The following GPC5 variants were observed in gnomAD, a reference collection of about 807,000 sequenced individuals.
The protein encoded by GPC5 is glypican-5.
A neutral mutation model predicts 53.9 loss-of-function variants in GPC5; 47 were observed. That is an observed-to-expected ratio of 0.87 (90% CI 0.69 to 1.11). The LOEUF (loss-of-function observed/expected upper bound fraction) is 1.11. GPC5 is among the 50% of genes most tolerant of loss of function. GPC5 has a pLI of 0.00. For missense variants in GPC5, 748 were observed against 713.1 expected (o/e 1.05, Z -0.56); for synonymous variants, 286 against 263.3 (o/e 1.09, Z -0.84).
At chr13:91,686,777 T>C (rs747457916) in intron 2 of GPC5, among the ~76,000 whole-genome samples, 3 of 152,006 alleles carry the variant, frequency 2.0e-5, no homozygotes, top group Non-Finnish European at 2.9e-5. Context: ...ATCTGTATAA[T>C]TTAATGCAGA....
chr13:91,766,167 A>G (rs1033601956), intron 5 of GPC5, among the ~76,000 whole-genome samples: 2 of 152,222 alleles, frequency 1.3e-5, no homozygotes, highest in Admixed American at 6.5e-5. Context: ...ACAAGTGGGA[A>G]TAGTTTACAA....
chr13:92,175,474 A>C (rs1224553731), intron 7 of GPC5, among the ~76,000 whole-genome samples: 1 of 152,196 alleles, frequency 6.6e-6, no homozygotes, highest in Non-Finnish European at 1.5e-5. Context: ...GGTTATGATG[A>C]CATCACTGTG....
intron 7 of GPC5, among the ~76,000 whole-genome samples, chr13:92,601,988 T>A (rs1884073707): frequency 6.6e-6 from 1 of 151,502 alleles, no homozygotes; most frequent in African/African-American, 2.4e-5. Context: ...CATATCTCAC[T>A]TTTATGGCGG....
intron 7 of GPC5, among the ~76,000 whole-genome samples, chr13:92,385,369 T>TAC (rs1441934635): frequency 6.1e-5 from 5 of 82,528 alleles, no homozygotes; most frequent in African/African-American, 9.3e-5. Flanking sequence ...TATACATATA[T>TAC]ATACATATAT....
At chr13:92,216,199 A>C (rs2042408972) in intron 7 of GPC5, among the ~76,000 whole-genome samples, 1 of 152,202 alleles carries the variant, frequency 6.6e-6, no homozygotes, top group African/African-American at 2.4e-5. Flanking sequence ...CCTTTCCAGG[A>C]ACTTACACAA....
intron 7 of GPC5, among the ~76,000 whole-genome samples, chr13:92,665,943 T>A (rs1886551622): frequency 6.6e-6 from 1 of 152,222 alleles, no homozygotes; most frequent in Non-Finnish European, 1.5e-5. Context: ...ATTAGTTTGT[T>A]GTTATAAAGT....
At chr13:91,851,361 G>C (rs2038911013) in intron 5 of GPC5, among the ~76,000 whole-genome samples, 1 of 152,044 alleles carries the variant, frequency 6.6e-6, no homozygotes, top group African/African-American at 2.4e-5. Flanking sequence ...ACCATGAGTG[G>C]AGCTTTCAGG....
intron 7 of GPC5, among the ~76,000 whole-genome samples, chr13:92,598,925 G>A (rs1566312437): frequency 2.0e-5 from 3 of 152,076 alleles, no homozygotes. Flanking sequence ...GAGACTGTCT[G>A]AAACAAACAA....
chr13:92,860,991 T>TAGAG (rs1191045917), intron 7 of GPC5, among the ~76,000 whole-genome samples: 1 of 152,036 alleles, frequency 6.6e-6, no homozygotes, highest in Non-Finnish European at 1.5e-5. Context: ...AGAGAGTCTC[T>TAGAG]ACTCTCAAGG....
chr13:92,088,483 T>C (rs970691210), intron 6 of GPC5, among the ~76,000 whole-genome samples: 2 of 152,134 alleles, frequency 1.3e-5, no homozygotes, highest in African/African-American at 2.4e-5. Context: ...TTCTCTCACA[T>C]TGGAATGACA....
intron 5 of GPC5, among the ~76,000 whole-genome samples, chr13:91,768,239 AAGAATAGCTCATCAGATAGCACATTTT>A (rs1364033024): frequency 6.6e-6 from 1 of 152,160 alleles, no homozygotes; most frequent in Non-Finnish European, 1.5e-5. Flanking sequence ...TTGAATTTAT[AAGAATAGCTCATCAGATAGCACATTTT>A]ATTGTCCAAC....
chr13:91,587,398 A>T (rs983818616), intron 2 of GPC5, among the ~76,000 whole-genome samples: 2 of 152,202 alleles, frequency 1.3e-5, no homozygotes, highest in Admixed American at 1.3e-4. Flanking sequence ...TATGCATAAA[A>T]TAAGGCATAT....
At chr13:92,798,263 T>C (rs1198407070) in intron 7 of GPC5, among the ~76,000 whole-genome samples, 2 of 151,878 alleles carry the variant, frequency 1.3e-5, no homozygotes, top group African/African-American at 2.4e-5. Context: ...TAAATGTTTG[T>C]TTATGGATAT....
At chr13:92,825,999 T>C (rs1441299479) in intron 7 of GPC5, among the ~76,000 whole-genome samples, 1 of 152,180 alleles carries the variant, frequency 6.6e-6, no homozygotes, top group Non-Finnish European at 1.5e-5. Flanking sequence ...GCTTCCAGCA[T>C]CTTGCCATGA....
chr13:92,536,286 C>T (rs1435560238), intron 7 of GPC5, among the ~76,000 whole-genome samples: 28 of 152,016 alleles, frequency 1.8e-4, no homozygotes, highest in Non-Finnish European at 1.3e-4. Flanking sequence ...TTAATAAATA[C>T]TGAATATATA....
At chr13:92,774,619 A>G (rs1284162696) in intron 7 of GPC5, among the ~76,000 whole-genome samples, 2 of 152,174 alleles carry the variant, frequency 1.3e-5, no homozygotes, top group African/African-American at 4.8e-5. Context: ...TTTTCAGGAT[A>G]CTGACTTCTC....
At chr13:92,806,326 G>A (rs185802548) in intron 7 of GPC5, among the ~76,000 whole-genome samples, 3 of 152,070 alleles carry the variant, frequency 2.0e-5, no homozygotes, top group East Asian at 3.9e-4. Context: ...TTTGACTTTG[G>A]GTAGAGAGAA....
intron 7 of GPC5, among the ~76,000 whole-genome samples, chr13:92,529,660 T>G (rs1881484223): frequency 6.6e-6 from 1 of 152,178 alleles, no homozygotes; most frequent in Non-Finnish European, 1.5e-5. Context: ...CTTACATCAT[T>G]TAAATATTCT....
chr13:92,721,244 C>G (rs1888501436), intron 7 of GPC5, among the ~76,000 whole-genome samples: 1 of 151,878 alleles, frequency 6.6e-6, no homozygotes, highest in African/African-American at 2.4e-5. Context: ...GCTGCTAGAC[C>G]ACAAGATAAG....
Sources: allele counts gnomAD v4.1 joint callset (sites outside exome capture counted in the v4.1 genomes callset), GRCh38; gene constraint gnomAD v4.1.1; transcripts MANE v1.5; gene names NCBI Gene and HGNC (gene_info 2026-07-23, HGNC 2026-07-21).